GRIK3: variants seen among roughly 807,000 people sequenced by gnomAD.
GRIK3 encodes glutamate ionotropic receptor kainate type subunit 3, also known as glutamate receptor ionotropic, kainate 3.
Under a neutral mutation model 102.5 loss-of-function variants are expected in GRIK3, and 29 were observed. The ratio of observed to expected loss-of-function variants is 0.28; its 90% CI spans 0.21 to 0.39. The LOEUF is 0.39. Among genes scored for constraint, GRIK3 ranks in the 10% least tolerant of loss-of-function variants. The probability of loss-of-function intolerance (pLI) is 1.00; values close to 1 mark genes in which losing one functional copy is unlikely to be tolerated. For missense variants in GRIK3, 908 were observed against 1,252.4 expected, an observed-to-expected ratio of 0.73 and a Z score of 4.15; for synonymous variants, 511 against 504.9, an observed-to-expected ratio of 1.01 and a Z score of -0.16.
chr1:36,856,735 T>C (rs1478046948), intron 7 of GRIK3, among the ~76,000 whole-genome samples: 1 of 152,136 alleles, frequency 6.6e-6, no homozygotes, highest in Non-Finnish European at 1.5e-5. Context: ...TCGTTGGGCC[T>C]GGGAAGGAGA....
At chr1:36,892,445 T>A (rs1309888485) in intron 1 of GRIK3, among the ~76,000 whole-genome samples, 2 of 151,636 alleles carry the variant, frequency 1.3e-5, no homozygotes, top group East Asian at 3.9e-4. Context: ...CAAGACCAAC[T>A]TGAGCAACAT....
At chr1:36,839,870 C>T (rs759599777) in intron 10 of GRIK3, among the ~76,000 whole-genome samples, 1 of 152,194 alleles carries the variant, frequency 6.6e-6, no homozygotes, top group Admixed American at 6.5e-5. Context: ...CCTTGAGCTC[C>T]AGCCTCCCTC....
intron 11 of GRIK3, among the ~76,000 whole-genome samples, chr1:36,822,663 A>G (rs1169071750): frequency 6.6e-6 from 1 of 152,124 alleles, no homozygotes; most frequent in Non-Finnish European, 1.5e-5. Flanking sequence ...TGGAGTGTGG[A>G]GGAGGAGACA....
At chr1:36,874,766 A>T (rs1361438972) in intron 3 of GRIK3, among the ~76,000 whole-genome samples, 1 of 152,224 alleles carries the variant, frequency 6.6e-6, no homozygotes, top group Non-Finnish European at 1.5e-5. Context: ...GACAGGCTGG[A>T]TGCTGGAGCA....
At chr1:37,018,742 G>A (rs1356495288) in intron 1 of GRIK3, among the ~76,000 whole-genome samples, 1 of 152,034 alleles carries the variant, frequency 6.6e-6, no homozygotes, top group Non-Finnish European at 1.5e-5. Flanking sequence ...CAGCCCCAGG[G>A]GGAGATTGAT....
chr1:37,019,263 T>A (rs529469954), intron 1 of GRIK3, among the ~76,000 whole-genome samples: 210 of 152,296 alleles, frequency 1.4e-3, no homozygotes, highest in African/African-American at 4.8e-3. Flanking sequence ...GGGATAAATG[T>A]GACAGCTCAG....
intron 10 of GRIK3, 141 bp downstream of exon 10, chr1:36,841,595 C>A: frequency 2.8e-6 from 2 of 713,882 alleles, no homozygotes; most frequent in Non-Finnish European, 4.8e-6. Flanking sequence ...GCCCCCCAGT[C>A]CTCAAGGTTG....
intron 1 of GRIK3, among the ~76,000 whole-genome samples, chr1:36,981,712 T>C (rs1177151210): frequency 6.6e-6 from 1 of 152,144 alleles, no homozygotes; most frequent in Non-Finnish European, 1.5e-5. Flanking sequence ...CATGTGTCTC[T>C]TTATTACTCT....
intron 3 of GRIK3, among the ~76,000 whole-genome samples, chr1:36,876,471 A>C (rs1374510814): frequency 6.6e-6 from 1 of 152,220 alleles, no homozygotes; most frequent in Non-Finnish European, 1.5e-5. Context: ...GAAGGCCAAG[A>C]GAGCTGTGGC....
At chr1:36,968,232 T>C (rs1215842485) in intron 1 of GRIK3, among the ~76,000 whole-genome samples, 1 of 122,078 alleles carries the variant, frequency 8.2e-6, no homozygotes, top group Non-Finnish European at 1.5e-5. Context: ...TGTGTGTGTG[T>C]GTGTGTGTGT....
chr1:36,827,447 TC>T (rs1642767434), intron 10 of GRIK3, among the ~76,000 whole-genome samples: 2 of 152,134 alleles, frequency 1.3e-5, no homozygotes, highest in South Asian at 4.1e-4. Flanking sequence ...AGGGGGGACC[TC>T]CCTCTGAAAC....
rs532926298 is a variant in GRIK3, at chr1:36,850,638, C to T, written c.1213-214G>A. Reference sequence around the variant, plus strand: ...TCTCCTGACGAGGGTCCCAGGGTGTCGAATCTCTGAATTCTGCCACCTCCC... The same window carrying T: ...TCTCCTGACGAGGGTCCCAGGGTGTTGAATCTCTGAATTCTGCCACCTCCC... On this transcript the variant is annotated intron_variant, in intron 8 of 15. Coordinates refer to ENST00000373091, the MANE Select transcript of GRIK3 (RefSeq NM_000831.4). The surrounding 1 kb of genome is among the most constrained non-coding windows in gnomAD (Gnocchi z 4.0). Among the ~76,000 whole-genome samples, 9 of 152,184 alleles carry T rather than the reference C, an allele frequency of 5.9e-5. No homozygotes were observed. Among genetic ancestry groups the T allele is most frequent in the Non-Finnish European group, 1.3e-4 (9 of 68,042 alleles).
chr1:36,862,905 C>A (rs1056211380), intron 5 of GRIK3, among the ~76,000 whole-genome samples: 6 of 152,180 alleles, frequency 3.9e-5, no homozygotes, highest in African/African-American at 1.4e-4. Flanking sequence ...GAGGTTGTGA[C>A]AGCTACTGGG....
rs1286130278 is a variant in GRIK3, at chr1:36,805,062, G to A, written c.2490C>T (p.Ala830=). The change falls in exon 15 of 16, where the codon GCC becomes GCT. Residue 830 remains alanine, a synonymous_variant. Transcript: ENST00000373091. The part of the protein sequence containing the change: ...KIGGIFIVLA[A]GLVLSVLVAV... Reference sequence around the variant, plus strand: ...CCACCAGCACAGAGAGGACCAGCCCGGCGGCCAGGACAATGAAGATGCCCC... The same window carrying A: ...CCACCAGCACAGAGAGGACCAGCCCAGCGGCCAGGACAATGAAGATGCCCC... The A allele has an allele frequency of 2.5e-6, 4 of 1,614,192 alleles. No individual in the cohort carries two copies. In the South Asian group the frequency reaches 3.3e-5, roughly 13 times the overall value.
At position 36,874,775 on chromosome 1, in the gene GRIK3, C is replaced by T. The variant is rs554734561; in HGVS notation, c.551-2406G>A. On this transcript the variant is annotated intron_variant, in intron 3 of 15. Transcript: ENST00000373091. ...GACTGGGACAGGCTGGATGCTGGAG[C>T]AGAGGCCACCAGGGCCTTCTTGTCA... Among the ~76,000 whole-genome samples the T allele has an allele frequency of 3.8e-4, 58 of 152,310 alleles. 1 individual carries two copies. Among genetic ancestry groups the T allele is most frequent in the Admixed American group, 3.6e-3 (55 of 15,306 alleles).
intron 7 of GRIK3, among the ~76,000 whole-genome samples, chr1:36,854,509 G>A (rs1461774943): frequency 1.3e-5 from 2 of 152,186 alleles, no homozygotes; most frequent in Admixed American, 6.5e-5. Context: ...AGTGGGAAAA[G>A]CTCCATCTTC....
chr1:36,999,111 T>C (rs1642449879), intron 1 of GRIK3, among the ~76,000 whole-genome samples: 1 of 148,564 alleles, frequency 6.7e-6, no homozygotes, highest in South Asian at 2.2e-4. Flanking sequence ...GGGCATGGAG[T>C]AGAGTGGAAG....
At chr1:36,918,960 G>A (rs931769484) in intron 1 of GRIK3, among the ~76,000 whole-genome samples, 18 of 152,322 alleles carry the variant, frequency 1.2e-4, no homozygotes, top group African/African-American at 4.3e-4. Flanking sequence ...GAGATACAGC[G>A]CTGAACTAAG....
intron 10 of GRIK3, among the ~76,000 whole-genome samples, chr1:36,837,609 G>A (rs1570752359): frequency 6.6e-6 from 1 of 152,050 alleles, no homozygotes; most frequent in East Asian, 1.9e-4. Flanking sequence ...TCACCCCCTG[G>A]CTCCACTTCA....
Sources: gnomAD v4.1 joint callset for allele counts (sites outside exome capture counted in the v4.1 genomes callset) on GRCh38, gnomAD v4.1.1 for gene constraint, Gnocchi (gnomAD v3.1) non-coding constraint, MANE v1.5 for transcripts, NCBI Gene and HGNC (gene_info 2026-07-23, HGNC 2026-07-21) for gene names.